The following CNTNAP2 variants were observed in gnomAD, a reference collection of about 807,000 sequenced individuals.
CNTNAP2 encodes contactin associated protein 2.
In CNTNAP2, 98 loss-of-function variants were observed where a neutral mutation model predicts 155.2. The observed-to-expected ratio is 0.63, with a 90% confidence interval of 0.54 to 0.75. CNTNAP2 has a LOEUF of 0.75. CNTNAP2 is among the 30% of genes least tolerant of loss of function. CNTNAP2 has a pLI of 0.00. For missense variants in CNTNAP2, 1,727 were observed against 1,688.1 expected, an observed-to-expected ratio of 1.02 and a Z score of -0.40; for synonymous variants, 651 against 631.2, an observed-to-expected ratio of 1.03 and a Z score of -0.47.
Position 147,373,072 on chromosome 7 carries a change from ACT to A in CNTNAP2, c.1499-22534_1499-22533del, listed in dbSNP as rs1455600018. Among the ~76,000 whole-genome samples the A allele has an allele frequency of 3.3e-5, 5 of 151,852 alleles. No homozygotes were observed. In the East Asian group the frequency reaches 9.7e-4, roughly 29 times the overall value. ...ACACATCGTGTCCCTCGAAGACTTG[ACT>A]CTATTCTAACCCGTTATTGTTAAAA... On this transcript the variant is annotated intron_variant, in intron 9 of 23. Transcript: ENST00000361727.
chr7:146,398,808 AC>A (rs948113867), intron 1 of CNTNAP2, among the ~76,000 whole-genome samples: 1 of 152,086 alleles, frequency 6.6e-6, no homozygotes, highest in Non-Finnish European at 1.5e-5. Context: ...TTTAAGGCCC[AC>A]CAGGGCAGGG....
At chr7:147,436,408 A>C (rs1417438418) in intron 10 of CNTNAP2, among the ~76,000 whole-genome samples, 1 of 152,216 alleles carries the variant, frequency 6.6e-6, no homozygotes, top group Non-Finnish European at 1.5e-5. Context: ...AGAGTTATGA[A>C]AATCATGGCT....
intron 23 of CNTNAP2, 33 bp from the exon 24 acceptor site, chr7:148,415,384 T>G: frequency 6.2e-7 from 1 of 1,608,916 alleles, no homozygotes; most frequent in Non-Finnish European, 8.5e-7. Context: ...CCAAGCCCTG[T>G]CTAACCTCTC....
At chr7:146,452,495 A>C (rs1796498750) in intron 1 of CNTNAP2, among the ~76,000 whole-genome samples, 1 of 152,166 alleles carries the variant, frequency 6.6e-6, no homozygotes, top group Non-Finnish European at 1.5e-5. Context: ...TTGTTCGATA[A>C]CAGTGTTTGC....
At chr7:146,471,378 T>C (rs1796795586) in intron 1 of CNTNAP2, among the ~76,000 whole-genome samples, 1 of 152,260 alleles carries the variant, frequency 6.6e-6, no homozygotes, top group Admixed American at 6.5e-5. Context: ...GCTGTATACA[T>C]TTTTAAGTCT....
At chr7:148,363,518 G>A (rs1205983267) in intron 21 of CNTNAP2, among the ~76,000 whole-genome samples, 2 of 152,202 alleles carry the variant, frequency 1.3e-5, no homozygotes, top group East Asian at 1.9e-4. Flanking sequence ...AAAAACGTAC[G>A]ATGGGTTTAC....
At chr7:146,523,729 G>A (rs919824324) in intron 1 of CNTNAP2, among the ~76,000 whole-genome samples, 2 of 152,034 alleles carry the variant, frequency 1.3e-5, no homozygotes, top group African/African-American at 4.8e-5. Context: ...TAAAGCTTCA[G>A]ATTATTAAAG....
chr7:147,617,702 A>G (rs1033565658), intron 12 of CNTNAP2, among the ~76,000 whole-genome samples: 2 of 152,106 alleles, frequency 1.3e-5, no homozygotes, highest in Non-Finnish European at 2.9e-5. Context: ...ACACATTTCT[A>G]TTATTTTGCC....
intron 1 of CNTNAP2, among the ~76,000 whole-genome samples, chr7:146,388,975 A>T (rs1385791809): frequency 1.3e-5 from 2 of 152,198 alleles, no homozygotes; most frequent in Non-Finnish European, 2.9e-5. Context: ...GTCACATAGC[A>T]TACAGGGGAT....
At chr7:146,535,853 T>C (rs1326792066) in intron 1 of CNTNAP2, among the ~76,000 whole-genome samples, 4 of 152,124 alleles carry the variant, frequency 2.6e-5, no homozygotes, top group Non-Finnish European at 2.9e-5. Context: ...TCATCTCACA[T>C]TGACTGTATT....
At chr7:146,252,907 A>G (rs1378332909) in intron 1 of CNTNAP2, among the ~76,000 whole-genome samples, 1 of 152,124 alleles carries the variant, frequency 6.6e-6, no homozygotes, top group African/African-American at 2.4e-5. Flanking sequence ...TGAGAGCAAC[A>G]ATTATAATGG....
At chr7:148,232,772 A>T (rs764088322) in intron 20 of CNTNAP2, among the ~76,000 whole-genome samples, 1 of 152,226 alleles carries the variant, frequency 6.6e-6, no homozygotes, top group Non-Finnish European at 1.5e-5. Context: ...AATTTAGATG[A>T]TCCTCATCAG....
At chr7:147,353,149 A>ACG (rs1563171475) in intron 9 of CNTNAP2, among the ~76,000 whole-genome samples, 3 of 151,576 alleles carry the variant, frequency 2.0e-5, no homozygotes, top group Admixed American at 6.6e-5. Flanking sequence ...ATATGTACAT[A>ACG]TATATATGTA....
intron 1 of CNTNAP2, among the ~76,000 whole-genome samples, chr7:146,157,853 A>G (rs1257287246): frequency 6.6e-6 from 1 of 152,214 alleles, no homozygotes; most frequent in Non-Finnish European, 1.5e-5. Context: ...CTGCAGACTT[A>G]AACTTCCCTG....
chr7:146,888,612 A>G (rs1247404873), intron 3 of CNTNAP2, among the ~76,000 whole-genome samples: 2 of 151,522 alleles, frequency 1.3e-5, no homozygotes, highest in East Asian at 1.9e-4. Context: ...TTTCATCTTG[A>G]TAAGAATTTG....
At chr7:147,312,335 T>C (rs922900890) in intron 9 of CNTNAP2, among the ~76,000 whole-genome samples, 14 of 151,686 alleles carry the variant, frequency 9.2e-5, no homozygotes, top group Non-Finnish European at 1.9e-4. Context: ...TATGTATACA[T>C]GTGCCATGCT....
chr7:147,439,427 C>T (rs1211611501), intron 10 of CNTNAP2, among the ~76,000 whole-genome samples: 1 of 151,502 alleles, frequency 6.6e-6, no homozygotes, highest in Non-Finnish European at 1.5e-5. Flanking sequence ...AGTTTTATTC[C>T]ATTGTGGTTA....
intron 1 of CNTNAP2, among the ~76,000 whole-genome samples, chr7:146,640,755 C>T (rs1246562046): frequency 6.6e-6 from 1 of 152,084 alleles, no homozygotes; most frequent in Non-Finnish European, 1.5e-5. Flanking sequence ...TATAAAGCAT[C>T]TTGACTGCGA....
chr7:146,456,366 T>C (rs1796555377), intron 1 of CNTNAP2, among the ~76,000 whole-genome samples: 1 of 152,196 alleles, frequency 6.6e-6, no homozygotes, highest in Non-Finnish European at 1.5e-5. Context: ...AAAGTTCTTA[T>C]CTACCTATGA....
Sources: gnomAD v4.1 joint callset for allele counts (sites outside exome capture counted in the v4.1 genomes callset) on GRCh38, gnomAD v4.1.1 for gene constraint, MANE v1.5 for transcripts, NCBI Gene and HGNC (gene_info 2026-07-23, HGNC 2026-07-21) for gene names.